The following PTGFR variants were observed in gnomAD, a reference collection of about 807,000 sequenced individuals.
The protein encoded by PTGFR is prostaglandin F receptor.
Under a neutral mutation model 26.2 loss-of-function variants are expected in PTGFR, and 15 were observed. That is an observed-to-expected ratio of 0.57 (90% CI 0.38 to 0.88). The LOEUF is 0.88. PTGFR is among the 40% of genes least tolerant of loss of function. PTGFR has a pLI of 0.00. For synonymous variants in PTGFR, 165 were observed against 151.1 expected (o/e 1.09, Z -0.68); for missense variants, 369 against 427.2 (o/e 0.86, Z 1.20).
At chr1:78,526,550 A>G (rs1464244486) in intron 2 of PTGFR, among the ~76,000 whole-genome samples, 2 of 152,088 alleles carry the variant, frequency 1.3e-5, no homozygotes, top group African/African-American at 2.4e-5. Flanking sequence ...GGATGAGAAC[A>G]CTAGTGATTT....
intron 2 of PTGFR, among the ~76,000 whole-genome samples, chr1:78,510,164 T>A (rs1340652942): frequency 3.8e-4 from 58 of 152,252 alleles, no homozygotes; most frequent in Admixed American, 6.5e-4. Context: ...CTGCTATCCC[T>A]CTCCTCTAGA....
In PTGFR at chr1:78,492,953, C is replaced by A; in HGVS notation, c.210C>A (p.Ala70=). ...QKSKASFLLL[A]SGLVITDFFG... Reference sequence around the variant, plus strand: ...CCAAGGCATCGTTTCTGCTTTTGGCCAGTGGCCTGGTAATCACTGATTTCT... The same window carrying A: ...CCAAGGCATCGTTTCTGCTTTTGGCAAGTGGCCTGGTAATCACTGATTTCT... Residue 70 remains alanine (A), a synonymous_variant, in exon 2 of 3, where the codon GCC becomes GCA. Transcript: ENST00000370757. The A allele has an allele frequency of 6.2e-7, 1 of 1,614,230 alleles. No individual in the cohort carries two copies. Among genetic ancestry groups the A allele is most frequent in the Non-Finnish European group, 8.5e-7 (1 of 1,180,042 alleles).
chr1:78,495,089 T>C (rs926918565), intron 2 of PTGFR, among the ~76,000 whole-genome samples: 2 of 152,348 alleles, frequency 1.3e-5, no homozygotes, highest in East Asian at 3.9e-4. Context: ...GCTTCTTGAA[T>C]TGTTAAGTCA....
At chr1:78,533,801 T>C (rs1181361259) in intron 2 of PTGFR, among the ~76,000 whole-genome samples, 3 of 152,170 alleles carry the variant, frequency 2.0e-5, no homozygotes, top group Admixed American at 6.6e-5. Context: ...GGCTCTATTA[T>C]CTATGAGTAA....
chr1:78,508,762 C>T (rs896610388), intron 2 of PTGFR, among the ~76,000 whole-genome samples: 1 of 152,050 alleles, frequency 6.6e-6, no homozygotes, highest in African/African-American at 2.4e-5. Flanking sequence ...GTCATTGTTA[C>T]TTTAAAATGT....
chr1:78,532,262 A>C, intron 2 of PTGFR: 1 of 391,848 alleles, frequency 2.6e-6, no homozygotes, highest in Non-Finnish European at 5.0e-6. Context: ...GTGGATGGAG[A>C]GGCAACATGA....
intron 2 of PTGFR, among the ~76,000 whole-genome samples, chr1:78,519,104 C>T (rs1196411518): frequency 6.6e-6 from 1 of 152,072 alleles, no homozygotes; most frequent in Non-Finnish European, 1.5e-5. Flanking sequence ...GCAAAGATAC[C>T]TTGATTTTTG....
chr1:78,496,893 C>T (rs561478508), intron 2 of PTGFR, among the ~76,000 whole-genome samples: 1 of 149,642 alleles, frequency 6.7e-6, no homozygotes, highest in African/African-American at 2.5e-5. Context: ...CCCCCTCCCC[C>T]ACCCCATCAG....
chr1:78,532,424 ATATATGTGTATATATTTGTGTGTG>A (rs1650537814), intron 2 of PTGFR: 1 of 123,594 alleles, frequency 8.1e-6, no homozygotes, highest in African/African-American at 3.6e-5. Flanking sequence ...ATATGTGTGT[ATATATGTGTATATATTTGTGTGTG>A]TATATGTGTA....
chr1:78,528,763 A>C (rs1269458732), intron 2 of PTGFR, among the ~76,000 whole-genome samples: 1 of 152,094 alleles, frequency 6.6e-6, no homozygotes, highest in Admixed American at 6.6e-5. Context: ...GATAGGTCCC[A>C]AAACAGTGAA....
At chr1:78,531,275 A>G (rs768302103) in intron 2 of PTGFR, among the ~76,000 whole-genome samples, 3 of 152,170 alleles carry the variant, frequency 2.0e-5, no homozygotes, top group African/African-American at 7.2e-5. Flanking sequence ...GCTTCTTTAA[A>G]CAAGAGCAAG....
Position 78,491,112 on chromosome 1 carries a change from C to G in PTGFR, c.-197C>G, listed in dbSNP as rs1053375289. The stretch of plus-strand genomic sequence containing the variant: ...GAGCGGCTGGACCACAGCCGGCGCC[C>G]GATCAGGATCTCCGCGCTGGGATCG... On this transcript the variant is annotated 5_prime_UTR_variant, in exon 1 of 3. Coordinates refer to ENST00000370757, the MANE Select transcript of PTGFR (RefSeq NM_000959.4). The G allele has an allele frequency of 6.6e-6, 1 of 152,284 alleles. No individual in the cohort carries two copies. Among genetic ancestry groups the G allele is most frequent in the Non-Finnish European group, 1.5e-5 (1 of 68,084 alleles). 9.4% of individuals were successfully genotyped at this position (152,284 alleles called of 1,614,324 possible). A position where few individuals can be genotyped will look rare whatever the true frequency, so the allele number is the denominator to read the frequency against.
intron 2 of PTGFR, 54 bp downstream of exon 2, chr1:78,493,595 C>G (rs371209418): frequency 3.1e-5 from 45 of 1,462,800 alleles, no homozygotes; most frequent in African/African-American, 2.1e-4. Context: ...ATGTTCAATT[C>G]AAGGTTATCT....
chr1:78,496,199 AAAAATACAGGCTTAAGAATCTC>A (rs1649548533), intron 2 of PTGFR, among the ~76,000 whole-genome samples: 2 of 152,230 alleles, frequency 1.3e-5, no homozygotes, highest in African/African-American at 4.8e-5. Flanking sequence ...ACAACCTTAT[AAAAATACAGGCTTAAGAATCTC>A]AAAATAACAT....
At chr1:78,505,916 A>G (rs1304954790) in intron 2 of PTGFR, among the ~76,000 whole-genome samples, 2 of 152,142 alleles carry the variant, frequency 1.3e-5, no homozygotes, top group Non-Finnish European at 2.9e-5. Flanking sequence ...AATATACTGC[A>G]TTTTGTTTAT....
At chr1:78,493,641 T>C in intron 2 of PTGFR, 100 bp downstream of exon 2, 5 of 1,187,070 alleles carry the variant, frequency 4.2e-6, no homozygotes, top group South Asian at 1.8e-5. Flanking sequence ...GAATGATCCC[T>C]ACTCAAAATT....
intron 2 of PTGFR, among the ~76,000 whole-genome samples, chr1:78,512,481 A>C (rs1485365208): frequency 6.6e-6 from 1 of 152,058 alleles, no homozygotes; most frequent in African/African-American, 2.4e-5. Context: ...AGGGAGCAGG[A>C]AAGGTGAGGG....
At chr1:78,504,447 T>C (rs1397769319) in intron 2 of PTGFR, among the ~76,000 whole-genome samples, 1 of 152,130 alleles carries the variant, frequency 6.6e-6, no homozygotes, top group East Asian at 1.9e-4. Flanking sequence ...GCAAGAACTG[T>C]TTGGATAGCA....
At chr1:78,528,193 C>T (rs1650419213) in intron 2 of PTGFR, among the ~76,000 whole-genome samples, 1 of 147,712 alleles carries the variant, frequency 6.8e-6, no homozygotes, top group Non-Finnish European at 1.5e-5. Flanking sequence ...CTTGGGTATA[C>T]ATTGACTTAT....
Sources: allele counts gnomAD v4.1 joint callset (sites outside exome capture counted in the v4.1 genomes callset), GRCh38; gene constraint gnomAD v4.1.1; transcripts MANE v1.5; gene names NCBI Gene and HGNC (gene_info 2026-07-23, HGNC 2026-07-21).